GPC5: variants seen among roughly 807,000 people sequenced by gnomAD.
The protein encoded by GPC5 is glypican-5.
In GPC5, 47 loss-of-function variants were observed where a neutral mutation model predicts 53.9. The observed-to-expected ratio is 0.87, with a 90% CI of 0.69 to 1.11. The LOEUF is 1.11. Ranked by LOEUF, GPC5 falls within the 50% of genes most tolerant of loss-of-function variation. The pLI is 0.00. For missense variants in GPC5, 748 were observed against 713.1 expected (o/e 1.05, Z -0.56); for synonymous variants, 286 against 263.3 (o/e 1.09, Z -0.84).
chr13:91,488,724 ATTGT>A (rs1257711818), intron 2 of GPC5, among the ~76,000 whole-genome samples: 3 of 152,174 alleles, frequency 2.0e-5, no homozygotes, highest in East Asian at 1.9e-4. Context: ...AACTGCACAG[ATTGT>A]TTGTAGAGCA....
At chr13:92,081,056 C>T (rs1487973460) in intron 6 of GPC5, among the ~76,000 whole-genome samples, 1 of 152,134 alleles carries the variant, frequency 6.6e-6, no homozygotes. Flanking sequence ...CTATATGCCT[C>T]TCTATTTTAT....
At chr13:92,175,713 A>C (rs927825064) in intron 7 of GPC5, among the ~76,000 whole-genome samples, 1 of 152,190 alleles carries the variant, frequency 6.6e-6, no homozygotes, top group Admixed American at 6.5e-5. Flanking sequence ...ACTGTGAGCA[A>C]TTATAATTAG....
intron 7 of GPC5, among the ~76,000 whole-genome samples, chr13:92,228,472 A>G (rs905401520): frequency 6.6e-6 from 1 of 152,132 alleles, no homozygotes; most frequent in Non-Finnish European, 1.5e-5. Context: ...GAATTTTAAT[A>G]AAATTAAGAA....
intron 2 of GPC5, among the ~76,000 whole-genome samples, chr13:91,525,820 C>T (rs1485261025): frequency 2.0e-5 from 3 of 152,114 alleles, no homozygotes; most frequent in Non-Finnish European, 4.4e-5. Context: ...ATTGGGCTTC[C>T]AGTCAGTGAT....
At chr13:91,466,813 CTTCT>C (rs1882267764) in intron 2 of GPC5, among the ~76,000 whole-genome samples, 1 of 152,068 alleles carries the variant, frequency 6.6e-6, no homozygotes, top group South Asian at 2.1e-4. Flanking sequence ...CCTCATTTTC[CTTCT>C]ATCTTAGTTT....
chr13:91,987,661 T>C (rs2040420695), intron 6 of GPC5, among the ~76,000 whole-genome samples: 1 of 150,520 alleles, frequency 6.6e-6, no homozygotes, highest in Non-Finnish European at 1.5e-5. Flanking sequence ...TGTCAGTCCA[T>C]GTATTGCTTT....
At chr13:91,952,175 C>CTGTCTG (rs200641311) in intron 6 of GPC5, among the ~76,000 whole-genome samples, 1 of 103,370 alleles carries the variant, frequency 9.7e-6, no homozygotes, top group African/African-American at 3.3e-5. Context: ...ATCTCTCTTT[C>CTGTCTG]TCTCTCTCTC....
intron 1 of GPC5, among the ~76,000 whole-genome samples, chr13:91,434,938 T>C (rs528931226): frequency 0.036 from 5,447 of 152,278 alleles, 143 homozygotes; most frequent in Middle Eastern, 0.068. Context: ...TATTTTATTC[T>C]CTTTGAAGCA....
intron 2 of GPC5, among the ~76,000 whole-genome samples, chr13:91,519,030 C>T (rs190820077): frequency 3.9e-4 from 60 of 152,166 alleles, no homozygotes; most frequent in Admixed American, 3.4e-3. Flanking sequence ...AAATACGGGA[C>T]GTGTGAAAGG....
At chr13:91,517,684 G>T (rs986017166) in intron 2 of GPC5, among the ~76,000 whole-genome samples, 3 of 152,022 alleles carry the variant, frequency 2.0e-5, no homozygotes, top group African/African-American at 7.2e-5. Context: ...TTCTGTATTA[G>T]TACATTTTCA....
intron 7 of GPC5, among the ~76,000 whole-genome samples, chr13:92,600,940 A>C (rs185875681): frequency 8.1e-4 from 123 of 152,140 alleles, no homozygotes; most frequent in Middle Eastern, 3.4e-3. Context: ...TCATGATTTT[A>C]TCTCTTTATC....
In GPC5 at chr13:92,483,788, CT is replaced by C. The variant is rs1359387618; in HGVS notation, c.1561+338810del. 2.6e-3 allele frequency among the ~76,000 whole-genome samples: 377 copies of C among 144,156 alleles called. 1 individual carries two copies. Among genetic ancestry groups the C allele is most frequent in the Middle Eastern group, 0.011 (3 of 272 alleles). The allele number at this position is 144,156 out of a possible 152,430, so 94.6% of individuals were successfully genotyped here. A position where few individuals can be genotyped will look rare whatever the true frequency, so the allele number is the denominator to read the frequency against. On this transcript the variant is annotated intron_variant, in intron 7 of 7. Coordinates refer to ENST00000377067, the MANE Select transcript of GPC5 (RefSeq NM_004466.6). ...TTATTCTAAAGCTTTTATCTAGTTT[CT>C]TTTTTTTTTTCCTTTTTTATTAAAA...
At chr13:92,603,173 A>G (rs1884138162) in intron 7 of GPC5, among the ~76,000 whole-genome samples, 2 of 152,226 alleles carry the variant, frequency 1.3e-5, no homozygotes, top group South Asian at 4.1e-4. Context: ...TAAAGGTCTC[A>G]ATTCCAATAA....
At chr13:91,972,604 C>T (rs1185149034) in intron 6 of GPC5, among the ~76,000 whole-genome samples, 2 of 150,734 alleles carry the variant, frequency 1.3e-5, no homozygotes, top group African/African-American at 2.5e-5. Flanking sequence ...GTGGCTGGTA[C>T]CGGTTGTTCC....
chr13:92,146,663 T>C (rs556673812), intron 7 of GPC5, among the ~76,000 whole-genome samples: 1 of 152,180 alleles, frequency 6.6e-6, no homozygotes, highest in East Asian at 1.9e-4. Context: ...GTCACCCTCC[T>C]CCCACTGTTT....
At chr13:92,184,134 T>A (rs999109384) in intron 7 of GPC5, among the ~76,000 whole-genome samples, 1 of 152,072 alleles carries the variant, frequency 6.6e-6, no homozygotes, top group South Asian at 2.1e-4. Context: ...TGCAAATTCA[T>A]CTTTGGTTTG....
intron 6 of GPC5, among the ~76,000 whole-genome samples, chr13:92,108,819 A>T (rs1179558455): frequency 6.6e-6 from 1 of 152,086 alleles, no homozygotes; most frequent in Non-Finnish European, 1.5e-5. Flanking sequence ...TGTCAGTATC[A>T]CCAGGCCACT....
chr13:92,822,257 T>C (rs563942717), intron 7 of GPC5, among the ~76,000 whole-genome samples: 6 of 152,128 alleles, frequency 3.9e-5, no homozygotes, highest in Non-Finnish European at 7.4e-5. Context: ...GTAAAATTTA[T>C]GGACTAGGTA....
intron 7 of GPC5, among the ~76,000 whole-genome samples, chr13:92,559,199 C>G (rs1882606836): frequency 6.6e-6 from 1 of 151,590 alleles, no homozygotes; most frequent in Non-Finnish European, 1.5e-5. Context: ...GGTGGAGATT[C>G]CTTAGATTGA....
Sources: allele counts gnomAD v4.1 joint callset (sites outside exome capture counted in the v4.1 genomes callset), GRCh38; gene constraint gnomAD v4.1.1; transcripts MANE v1.5; gene names NCBI Gene and HGNC (gene_info 2026-07-23, HGNC 2026-07-21).